CACNA2D1: variants seen among roughly 807,000 people sequenced by gnomAD.
CACNA2D1 encodes voltage-dependent calcium channel subunit alpha-2/delta-1.
A neutral mutation model predicts 171.5 loss-of-function variants in CACNA2D1; 53 were observed. The ratio of observed to expected loss-of-function variants is 0.31; its 90% CI spans 0.25 to 0.39. The LOEUF (loss-of-function observed/expected upper bound fraction) is 0.39, where lower values mean the gene tolerates loss of function less well. CACNA2D1 is among the 10% of genes least tolerant of loss of function. The pLI is 1.00. For synonymous variants in CACNA2D1, 442 were observed against 443.1 expected (o/e 1.00, Z 0.03); for missense variants, 903 against 1,299.8 (o/e 0.69, Z 4.69).
At chr7:82,320,929 TTATATAAAGCCATTTATATA>T (rs11270705) in intron 3 of CACNA2D1, among the ~76,000 whole-genome samples, 2 of 148,626 alleles carry the variant, frequency 1.3e-5, no homozygotes, top group South Asian at 2.1e-4. Flanking sequence ...AGTTAATGGC[TTATATAAAGCCATTTATATA>T]TATATAAAGC....
intron 3 of CACNA2D1, among the ~76,000 whole-genome samples, chr7:82,230,153 C>G (rs1802777128): frequency 6.6e-6 from 1 of 152,178 alleles, no homozygotes; most frequent in Admixed American, 6.5e-5. Flanking sequence ...TGACTAGAGT[C>G]CCTCCTTTGT....
At chr7:82,261,242 G>A (rs955133287) in intron 3 of CACNA2D1, among the ~76,000 whole-genome samples, 2 of 152,164 alleles carry the variant, frequency 1.3e-5, no homozygotes, top group African/African-American at 4.8e-5. Context: ...GGCATGGGCC[G>A]CCGCACCCGG....
chr7:82,381,277 G>A (rs952971097), intron 1 of CACNA2D1, among the ~76,000 whole-genome samples: 2 of 142,790 alleles, frequency 1.4e-5, no homozygotes, highest in Non-Finnish European at 3.0e-5. Flanking sequence ...TCGCGCCATT[G>A]CACTCTAGCC....
chr7:82,333,831 T>C (rs914602371), intron 3 of CACNA2D1, among the ~76,000 whole-genome samples: 4 of 152,130 alleles, frequency 2.6e-5, no homozygotes, highest in Non-Finnish European at 4.4e-5. Flanking sequence ...GCACGTGGAC[T>C]AAACACATAA....
chr7:82,171,387 A>C (rs1796003049), intron 3 of CACNA2D1, among the ~76,000 whole-genome samples: 1 of 151,874 alleles, frequency 6.6e-6, no homozygotes, highest in African/African-American at 2.4e-5. Flanking sequence ...GATGTTCTCC[A>C]TGTGATAGGC....
chr7:82,369,747 T>C (rs970847793), intron 1 of CACNA2D1, among the ~76,000 whole-genome samples: 4 of 151,914 alleles, frequency 2.6e-5, no homozygotes, highest in Non-Finnish European at 1.5e-5. Context: ...AATAGCCCAG[T>C]TCCTCCATAA....
intron 21 of CACNA2D1, among the ~76,000 whole-genome samples, chr7:81,990,458 A>G (rs890138301): frequency 6.6e-6 from 1 of 152,076 alleles, no homozygotes; most frequent in Non-Finnish European, 1.5e-5. Flanking sequence ...AAATCTTTAT[A>G]GGAATGAGAG....
intron 6 of CACNA2D1, among the ~76,000 whole-genome samples, chr7:82,101,191 AG>A (rs1812635514): frequency 6.6e-6 from 1 of 152,192 alleles, no homozygotes; most frequent in African/African-American, 2.4e-5. Flanking sequence ...ATTCTGCACA[AG>A]TACCAACTGT....
rs974762494 is a variant in CACNA2D1 at position 82,132,604 on chromosome 7, C to CGATCTTG, written c.396+4024_396+4030dup. Among the ~76,000 whole-genome samples the CGATCTTG allele has an allele frequency of 1.6e-3, 251 of 152,184 alleles. 2 individuals carry two copies. The highest frequency in any genetic ancestry group is 7.1e-4 in the Non-Finnish European group (48 of 68,014). ...AAAAGAATCATGGATATTGGAACAC[C>CGATCTTG]GATCTTGGAGCACAACATGGAAGAG... is the stretch of plus-strand genomic sequence containing the variant. On this transcript the variant is annotated intron_variant, in intron 5 of 38. Coordinates refer to ENST00000356860, the MANE Select transcript of CACNA2D1 (RefSeq NM_000722.4).
chr7:82,327,593 C>A (rs1273727946), intron 3 of CACNA2D1, among the ~76,000 whole-genome samples: 1 of 152,054 alleles, frequency 6.6e-6, no homozygotes, highest in African/African-American at 2.4e-5. Flanking sequence ...ATTTAAAATC[C>A]CATTACCAGG....
chr7:81,978,724 GAAGTTA>G (rs1228823246), intron 24 of CACNA2D1, among the ~76,000 whole-genome samples: 2 of 145,668 alleles, frequency 1.4e-5, no homozygotes, highest in African/African-American at 2.6e-5. Context: ...ATGTATCCCA[GAAGTTA>G]AAGTAAATTT....
At chr7:82,258,377 T>C (rs1201044576) in intron 3 of CACNA2D1, among the ~76,000 whole-genome samples, 1 of 152,044 alleles carries the variant, frequency 6.6e-6, no homozygotes, top group Non-Finnish European at 1.5e-5. Context: ...TGAAAACATG[T>C]AAGGCCGTCT....
intron 6 of CACNA2D1, among the ~76,000 whole-genome samples, chr7:82,094,399 A>G (rs2190263): frequency 0.47 from 70,596 of 151,638 alleles, 17,615 homozygotes; most frequent in African/African-American, 0.65. Flanking sequence ...GTCCACATAT[A>G]CATGTATGCA....
chr7:81,956,607 T>C (rs1793385881), intron 38 of CACNA2D1, among the ~76,000 whole-genome samples: 1 of 152,112 alleles, frequency 6.6e-6, no homozygotes, highest in Non-Finnish European at 1.5e-5. Flanking sequence ...ATGAAAACTA[T>C]TCTTTTATTA....
At chr7:82,044,242 T>C (rs1233394723) in intron 10 of CACNA2D1, among the ~76,000 whole-genome samples, 1 of 152,182 alleles carries the variant, frequency 6.6e-6, no homozygotes, top group Non-Finnish European at 1.5e-5. Context: ...CTCCTATGTA[T>C]GGATTCTAAA....
intron 4 of CACNA2D1, among the ~76,000 whole-genome samples, chr7:82,150,871 T>C (rs1793786266): frequency 6.6e-6 from 1 of 152,110 alleles, no homozygotes; most frequent in Non-Finnish European, 1.5e-5. Context: ...AAAAATGAAA[T>C]GGCTTCACAC....
intron 6 of CACNA2D1, among the ~76,000 whole-genome samples, chr7:82,092,181 A>T (rs374110613): frequency 6.6e-6 from 1 of 152,202 alleles, no homozygotes; most frequent in South Asian, 2.1e-4. Flanking sequence ...ATGTTGTGTA[A>T]AGCAATATTC....
chr7:82,411,965 C>T (rs1442349567), intron 1 of CACNA2D1, among the ~76,000 whole-genome samples: 1 of 151,936 alleles, frequency 6.6e-6, no homozygotes, highest in South Asian at 2.1e-4. Context: ...AAAAAACCCT[C>T]TTTCATAGTT....
At chr7:82,353,134 A>G (rs1820042520) in intron 1 of CACNA2D1, among the ~76,000 whole-genome samples, 1 of 152,170 alleles carries the variant, frequency 6.6e-6, no homozygotes, top group Non-Finnish European at 1.5e-5. Flanking sequence ...GTTAAGAGGT[A>G]AGAAATGAGA....
Sources: gnomAD v4.1 joint callset for allele counts (sites outside exome capture counted in the v4.1 genomes callset) on GRCh38, gnomAD v4.1.1 for gene constraint, MANE v1.5 for transcripts, NCBI Gene and HGNC (gene_info 2026-07-23, HGNC 2026-07-21) for gene names.